Variants in PTPRC observed in about 807,000 individuals in gnomAD.
PTPRC encodes receptor-type tyrosine-protein phosphatase C.
In PTPRC, 44 loss-of-function variants were observed where a neutral mutation model predicts 155.9. The observed-to-expected ratio is 0.28, with a 90% confidence interval of 0.22 to 0.36. The LOEUF (loss-of-function observed/expected upper bound fraction) is 0.36, where lower values mean the gene tolerates loss of function less well. Among genes scored for constraint, PTPRC ranks in the 10% least tolerant of loss-of-function variants. The pLI, the probability that PTPRC is intolerant of heterozygous loss-of-function variation, is 1.00. For missense variants in PTPRC, 1,401 were observed against 1,564.6 expected (o/e 0.90, Z 1.76); for synonymous variants, 525 against 533.1 (o/e 0.98, Z 0.21).
chr1:198,722,022 A>G (rs1374311732), intron 14 of PTPRC, among the ~76,000 whole-genome samples: 2 of 151,386 alleles, frequency 1.3e-5, no homozygotes, highest in Non-Finnish European at 3.0e-5. Flanking sequence ...TGTGCATTTT[A>G]TGCATAATTC....
intron 27 of PTPRC, among the ~76,000 whole-genome samples, chr1:198,749,155 A>G (rs1655266809): frequency 6.6e-6 from 1 of 151,746 alleles, no homozygotes; most frequent in Non-Finnish European, 1.5e-5. Flanking sequence ...AAATAATCAT[A>G]TATAATGATA....
At chr1:198,649,018 G>T (rs916098806) in intron 2 of PTPRC, among the ~76,000 whole-genome samples, 4 of 151,680 alleles carry the variant, frequency 2.6e-5, no homozygotes, top group Non-Finnish European at 4.4e-5. Context: ...AGGAAGTGTA[G>T]ACACTAGATA....
At position 198,748,087 on chromosome 1, in the gene PTPRC, CTG is replaced by C. The variant is rs1655217543; in HGVS notation, c.2848-20_2848-19del. 1 of 1,313,888 alleles carries C rather than the reference CTG, an allele frequency of 7.6e-7. No individual in the cohort carries two copies. The highest frequency in any genetic ancestry group is 1.3e-5 in the South Asian group (1 of 77,620). The allele number at this position is 1,313,888 out of a possible 1,614,324, so 81.4% of individuals were successfully genotyped here. A position where few individuals can be genotyped will look rare whatever the true frequency, so the allele number is the denominator to read the frequency against. On this transcript the variant is annotated intron_variant, in intron 26 of 32. Coordinates refer to ENST00000442510, the MANE Select transcript of PTPRC (RefSeq NM_002838.5). ...ATATTTACATTTTAAAGGAGTTTTTCTGTTTTTTTTTTTTTTTTCAGAGACTT... is the reference window on the plus strand; with the variant it reads ...ATATTTACATTTTAAAGGAGTTTTTCTTTTTTTTTTTTTTTTCAGAGACTT...
chr1:198,687,686 G>C (rs1011201511), intron 2 of PTPRC, among the ~76,000 whole-genome samples: 1 of 151,922 alleles, frequency 6.6e-6, no homozygotes, highest in Non-Finnish European at 1.5e-5. Flanking sequence ...CACATTTAGC[G>C]TGTTCCTACT....
chr1:198,688,211 T>C (rs981840685), intron 2 of PTPRC, among the ~76,000 whole-genome samples: 2 of 152,162 alleles, frequency 1.3e-5, no homozygotes, highest in Non-Finnish European at 2.9e-5. Context: ...TTTAGAATCA[T>C]ATCCAGTGAT....
chr1:198,692,737 A>G (rs150846694), intron 3 of PTPRC: 102 of 930,302 alleles, frequency 1.1e-4, no homozygotes, highest in Non-Finnish European at 1.3e-4. Flanking sequence ...ACAGCTGTCT[A>G]TGTATGTTAT....
At chr1:198,677,351 A>G (rs1665012499) in intron 2 of PTPRC, among the ~76,000 whole-genome samples, 1 of 152,066 alleles carries the variant, frequency 6.6e-6, no homozygotes, top group African/African-American at 2.4e-5. Context: ...TGTCACATTT[A>G]TTTTCCAGAA....
At chr1:198,708,316 G>T in intron 10 of PTPRC, 55 bp downstream of exon 10, 2 of 1,524,576 alleles carry the variant, frequency 1.3e-6, no homozygotes. Flanking sequence ...TGTTGTTCTA[G>T]ATATTATTTA....
chr1:198,703,336 C>T lies in PTPRC; in HGVS notation c.622C>T (p.Pro208Ser), dbSNP rs762236684. The T allele has an allele frequency of 4.3e-6, 7 of 1,613,082 alleles. No individual in the cohort carries two copies. In the African/African-American group the frequency reaches 9.4e-5, roughly 22 times the overall value. Reference sequence around the variant, plus strand: ...TGCCTCTGAAACAACCACTCTGAGCCCTTCTGGAAGCGCTGTCATTTCAAC... The same window carrying T: ...TGCCTCTGAAACAACCACTCTGAGCTCTTCTGGAAGCGCTGTCATTTCAAC... The part of the protein sequence containing the change: ...LNASETTTLS[P>S]SGSAVISTTT... Residue 208 changes from proline (P) to serine (S), a missense_variant, in exon 7 of 33, where the codon CCT becomes TCT. Physicochemically the swap from Pro to Ser is moderately conservative, Grantham distance 74. Coordinates refer to ENST00000442510, the MANE Select transcript of PTPRC (RefSeq NM_002838.5).
At chr1:198,715,286 C>T (rs553574893) in intron 12 of PTPRC, among the ~76,000 whole-genome samples, 2 of 152,090 alleles carry the variant, frequency 1.3e-5, no homozygotes, top group East Asian at 3.9e-4. Context: ...CCACGCCCGG[C>T]TAATTTTTTT....
chr1:198,740,687 C>A (rs1654861141), intron 23 of PTPRC, among the ~76,000 whole-genome samples: 1 of 151,762 alleles, frequency 6.6e-6, no homozygotes, highest in Admixed American at 6.6e-5. Context: ...GCCACTGATA[C>A]TTCAGAAATT....
At position 198,756,650 on chromosome 1, in the gene PTPRC, C is replaced by G. The variant is rs1045705781; in HGVS notation, c.*469C>G. ...AAAATCATGTACATTTCTGAAATGA[C>G]CTCAAGATGTCCTCCTTGTTCTACT... On this transcript the variant is annotated 3_prime_UTR_variant, in exon 33 of 33. Transcript: ENST00000442510. 1.2e-5 allele frequency: 2 copies of G among 166,614 alleles called. No homozygotes were observed. Among genetic ancestry groups the G allele is most frequent in the South Asian group, 1.4e-4 (1 of 6,914 alleles). 10.3% of individuals were successfully genotyped at this position (166,614 alleles called of 1,614,324 possible).
At chr1:198,667,916 G>C (rs1664412420) in intron 2 of PTPRC, among the ~76,000 whole-genome samples, 1 of 152,158 alleles carries the variant, frequency 6.6e-6, no homozygotes, top group Admixed American at 6.5e-5. Flanking sequence ...GATAAAAACT[G>C]GAAAGAAGTA....
chr1:198,693,935 G>A (rs1302266181), intron 3 of PTPRC: 2 of 1,442,240 alleles, frequency 1.4e-6, no homozygotes, highest in Non-Finnish European at 1.8e-6. Context: ...TTCTCTAGAG[G>A]GACAGAACTA....
intron 8 of PTPRC, among the ~76,000 whole-genome samples, chr1:198,706,203 A>G (rs1343162172): frequency 6.6e-6 from 1 of 152,222 alleles, no homozygotes; most frequent in African/African-American, 2.4e-5. Flanking sequence ...GGTGCTTTGG[A>G]GGTATATTAT....
intron 2 of PTPRC, among the ~76,000 whole-genome samples, chr1:198,652,507 C>T (rs1388320905): frequency 1.3e-5 from 2 of 151,486 alleles, no homozygotes; most frequent in Admixed American, 1.3e-4. Context: ...ATAATAAAAG[C>T]CTAGCAAACC....
In PTPRC at chr1:198,724,197, T is replaced by C. The variant is rs1654021147; in HGVS notation, c.1720+1721T>C. 3.3e-5 allele frequency among the ~76,000 whole-genome samples: 5 copies of C among 152,210 alleles called. No homozygotes were observed. The South Asian group carries it at 1.0e-3, about 31-fold the overall frequency. ...ATTCACTCTCTGCTCACAATATCATTATCCTAAGAGATAAATAATATAGTT... is the reference window on the plus strand; with the variant it reads ...ATTCACTCTCTGCTCACAATATCATCATCCTAAGAGATAAATAATATAGTT... On this transcript the variant is annotated intron_variant, in intron 15 of 32. Coordinates refer to ENST00000442510, the MANE Select transcript of PTPRC (RefSeq NM_002838.5).
chr1:198,694,111 AG>A (rs2102375178), intron 3 of PTPRC: 2 of 1,546,152 alleles, frequency 1.3e-6, no homozygotes, highest in East Asian at 5.0e-5. Context: ...TGGTGGCCAA[AG>A]GCCCGAGAGC....
At chr1:198,709,311 C>A (rs1653162558) in intron 10 of PTPRC, among the ~76,000 whole-genome samples, 1 of 151,930 alleles carries the variant, frequency 6.6e-6, no homozygotes, top group African/African-American at 2.4e-5. Flanking sequence ...TAGTCAGCAT[C>A]CCCAGAGAAA....
Sources: allele counts gnomAD v4.1 joint callset (sites outside exome capture counted in the v4.1 genomes callset), GRCh38; gene constraint gnomAD v4.1.1; transcripts MANE v1.5; gene names NCBI Gene and HGNC (gene_info 2026-07-23, HGNC 2026-07-21).